Variants in RYR2 observed in about 807,000 individuals in gnomAD.
The protein encoded by RYR2 is cardiac muscle ryanodine receptor-calcium release channel.
Under a neutral mutation model 601.1 loss-of-function variants are expected in RYR2, and 227 were observed. The observed-to-expected ratio is 0.38, with a 90% confidence interval of 0.34 to 0.42. The LOEUF is 0.42. Ranked by LOEUF, RYR2 falls within the 10% of genes least tolerant of loss-of-function variation. The pLI is 1.00. For synonymous variants in RYR2, 2,223 were observed against 2,175.1 expected (o/e 1.02, Z -0.61); for missense variants, 4,646 against 6,156.5 (o/e 0.75, Z 8.21).
intron 92 of RYR2, among the ~76,000 whole-genome samples, chr1:237,790,399 C>T (rs1658229908): frequency 6.6e-6 from 1 of 152,114 alleles, no homozygotes; most frequent in Admixed American, 6.6e-5. Context: ...CTCACCTCTG[C>T]CTGACGTCTT....
Position 237,590,861 on chromosome 1 carries a change from T to C in RYR2, c.4029T>C (p.Phe1343=), listed in dbSNP as rs752038897. 20 of 1,613,730 alleles carry C rather than the reference T, an allele frequency of 1.2e-5. No homozygotes were observed. Among genetic ancestry groups the C allele is most frequent in the Non-Finnish European group, 8.5e-7 (1 of 1,179,856 alleles). The change falls in exon 31 of 105, where the codon TTT becomes TTC. Residue 1343 remains phenylalanine, a synonymous_variant. Transcript: ENST00000366574. ...AAGATTATGATGCTGATTCTGACTT[T>C]GAGGTTCTGATGAAGACAGCTCATG... The part of the protein sequence containing the change: ...DLEDYDADSD[F]EVLMKTAHGH...
Position 237,666,528 on chromosome 1 carries a change from C to A in RYR2, c.8453C>A (p.Ala2818Asp). The change falls in exon 57 of 105, where the codon GCC becomes GAC. Residue 2818 changes from alanine (A) to aspartate (D), a missense_variant. Coordinates refer to ENST00000366574, the MANE Select transcript of RYR2 (RefSeq NM_001035.3). ...ATGATCTAGGTTTCTGTGGACGCTGCCCATGGTTACAGTCCCCGGGCCATT... is the reference window on the plus strand; with the variant it reads ...ATGATCTAGGTTTCTGTGGACGCTGACCATGGTTACAGTCCCCGGGCCATT... ...SQTSQVSVDAAHGYSPRAIDM... is the reference protein window; with the variant it reads ...SQTSQVSVDADHGYSPRAIDM... 1 of 1,612,070 alleles carries A rather than the reference C, an allele frequency of 6.2e-7. No individual in the cohort carries two copies.
intron 1 of RYR2, among the ~76,000 whole-genome samples, chr1:237,203,688 TA>T (rs201445491): frequency 2.0e-5 from 3 of 152,146 alleles, no homozygotes; most frequent in African/African-American, 7.2e-5. Context: ...AAAACTGTAG[TA>T]AAAATTTTTT....
In RYR2 at chr1:237,327,521, T is replaced by A. The variant is rs376986118; in HGVS notation, c.169-3357T>A. On this transcript the variant is annotated intron_variant, in intron 2 of 104. Transcript: ENST00000366574. ...TTAAATACACCCAGAATATGAAGTT[T>A]TAAATGTTACCGGAAAGTGTCTTTT... Among the ~76,000 whole-genome samples, 23 of 152,352 alleles carry A rather than the reference T, an allele frequency of 1.5e-4. No individual in the cohort carries two copies. The East Asian group carries it at 3.1e-3, about 20-fold the overall frequency.
intron 24 of RYR2, among the ~76,000 whole-genome samples, chr1:237,527,605 A>T (rs1667721920): frequency 6.6e-6 from 1 of 152,038 alleles, no homozygotes; most frequent in Non-Finnish European, 1.5e-5. Flanking sequence ...TTATTCACCT[A>T]CCTGAAATAT....
At chr1:237,586,254 T>C (rs1224947511) in intron 29 of RYR2, among the ~76,000 whole-genome samples, 4 of 152,236 alleles carry the variant, frequency 2.6e-5, no homozygotes, top group Non-Finnish European at 5.9e-5. Flanking sequence ...ACAGTTTATT[T>C]TGTTGAGCCC....
chr1:237,226,705 C>T (rs1166181339), intron 1 of RYR2, among the ~76,000 whole-genome samples: 1 of 152,094 alleles, frequency 6.6e-6, no homozygotes, highest in East Asian at 1.9e-4. Context: ...GGCCAGATTT[C>T]AATTTCTAGA....
chr1:237,605,003 G>A (rs1426465636), intron 35 of RYR2, among the ~76,000 whole-genome samples: 42 of 152,194 alleles, frequency 2.8e-4, no homozygotes, highest in Non-Finnish European at 4.4e-4. Flanking sequence ...ACAAGGAGGA[G>A]CTGGTACCAT....
At chr1:237,149,379 G>A (rs1294088418) in intron 1 of RYR2, among the ~76,000 whole-genome samples, 6 of 152,106 alleles carry the variant, frequency 3.9e-5, no homozygotes, top group African/African-American at 1.4e-4. Context: ...AAATTTTAAA[G>A]GAGGTAGAAT....
intron 47 of RYR2, 141 bp downstream of exon 47, chr1:237,641,143 C>A: frequency 1.9e-6 from 1 of 535,904 alleles, no homozygotes; most frequent in African/African-American, 1.9e-5. Context: ...AATCACTGAA[C>A]AAGTGTTTGT....
chr1:237,719,547 G>A (rs1252031352), intron 73 of RYR2, among the ~76,000 whole-genome samples: 1 of 152,104 alleles, frequency 6.6e-6, no homozygotes, highest in East Asian at 1.9e-4. Context: ...AGTGAGGAGG[G>A]AGGTGCCACA....
intron 7 of RYR2, 108 bp downstream of exon 7, chr1:237,374,903 AGT>A: frequency 1.2e-6 from 1 of 814,364 alleles, no homozygotes; most frequent in Non-Finnish European, 2.0e-6. Context: ...TTATGGATGG[AGT>A]CAGGAAAGAA....
At chr1:237,595,733 A>C (rs1273864835) in intron 34 of RYR2, 76 bp downstream of exon 34, 1 of 1,499,040 alleles carries the variant, frequency 6.7e-7, no homozygotes, top group Non-Finnish European at 8.9e-7. Context: ...CACAGTTTGT[A>C]AGATCAAAAA....
chr1:237,617,707 C>G (rs1324431393), intron 38 of RYR2, among the ~76,000 whole-genome samples: 1 of 152,214 alleles, frequency 6.6e-6, no homozygotes, highest in Non-Finnish European at 1.5e-5. Flanking sequence ...ATCACCGACT[C>G]TTTGAGAAGG....
chr1:237,757,832 TA>T lies in RYR2; in HGVS notation c.11325+59del. ...CTTTTCAGACAAATGGACCATATAGTAAAGAACTATTTGTTGTAAAATGTTT... is the reference window on the plus strand; with the variant it reads ...CTTTTCAGACAAATGGACCATATAGTAAGAACTATTTGTTGTAAAATGTTT... On this transcript the variant is annotated intron_variant, in intron 82 of 104. Coordinates refer to ENST00000366574, the MANE Select transcript of RYR2 (RefSeq NM_001035.3). 3 of 1,058,278 alleles carry T rather than the reference TA, an allele frequency of 2.8e-6. No homozygotes were observed. In the South Asian group the frequency reaches 4.0e-5, roughly 14 times the overall value. 65.6% of individuals were successfully genotyped at this position (1,058,278 alleles called of 1,614,324 possible).
chr1:237,471,793 G>A (rs925209930), intron 17 of RYR2, among the ~76,000 whole-genome samples: 3 of 151,098 alleles, frequency 2.0e-5, no homozygotes, highest in African/African-American at 7.4e-5. Context: ...GTTGATTGCA[G>A]GCATTCCTAA....
At chr1:237,619,022 A>G (rs1471350541) in intron 38 of RYR2, among the ~76,000 whole-genome samples, 2 of 152,136 alleles carry the variant, frequency 1.3e-5, no homozygotes, top group East Asian at 1.9e-4. Flanking sequence ...TTCGCCTCCC[A>G]CCTGGCAGCA....
At chr1:237,585,959 C>T (rs553398541) in intron 29 of RYR2, among the ~76,000 whole-genome samples, 1 of 152,244 alleles carries the variant, frequency 6.6e-6, no homozygotes, top group Non-Finnish European at 1.5e-5. Context: ...CAAACATTCC[C>T]ACTACACAGA....
chr1:237,290,973 A>G (rs1264371205), intron 2 of RYR2, among the ~76,000 whole-genome samples: 1 of 152,198 alleles, frequency 6.6e-6, no homozygotes, highest in Non-Finnish European at 1.5e-5. Flanking sequence ...AAAGCTTTTG[A>G]GTTTGACAAT....
Sources: allele counts gnomAD v4.1 joint callset (sites outside exome capture counted in the v4.1 genomes callset), GRCh38; gene constraint gnomAD v4.1.1; transcripts MANE v1.5; gene names NCBI Gene and HGNC (gene_info 2026-07-23, HGNC 2026-07-21).